BANK1: variants seen among roughly 807,000 people sequenced by gnomAD.
BANK1 encodes B-cell scaffold protein with ankyrin repeats.
BANK1 carries 95 observed loss-of-function variants against 94.5 expected under a neutral mutation model. The observed-to-expected ratio is 1.00, with a 90% CI of 0.85 to 1.19. The LOEUF (loss-of-function observed/expected upper bound fraction) is 1.19, where lower values mean the gene tolerates loss of function less well. Among genes scored for constraint, BANK1 ranks in the 50% most tolerant of loss-of-function variants. The pLI, the probability that BANK1 is intolerant of heterozygous loss-of-function variation, is 0.00. For missense variants in BANK1, 987 were observed against 932.2 expected (o/e 1.06, Z -0.77); for synonymous variants, 334 against 308.4 (o/e 1.08, Z -0.87).
At chr4:102,052,113 CTTTTTTTTT>C (rs199811166) in intron 11 of BANK1, among the ~76,000 whole-genome samples, 53 of 104,014 alleles carry the variant, frequency 5.1e-4, no homozygotes, top group Admixed American at 1.7e-3. Flanking sequence ...TTCTTTTTTT[CTTTTTTTTT>C]TTTTTTTTTT....
intron 9 of BANK1, among the ~76,000 whole-genome samples, chr4:102,025,984 G>A (rs1727081002): frequency 6.6e-6 from 1 of 152,176 alleles, no homozygotes; most frequent in African/African-American, 2.4e-5. Context: ...ATGAACTTGG[G>A]TACTTTAATC....
At chr4:101,878,679 C>T (rs1482142790) in intron 5 of BANK1, among the ~76,000 whole-genome samples, 1 of 152,096 alleles carries the variant, frequency 6.6e-6, no homozygotes, top group Non-Finnish European at 1.5e-5. Context: ...CATGACCATT[C>T]TCAAAAATAG....
At chr4:102,038,661 A>G (rs930356834) in intron 10 of BANK1, among the ~76,000 whole-genome samples, 1 of 152,194 alleles carries the variant, frequency 6.6e-6, no homozygotes, top group Non-Finnish European at 1.5e-5. Flanking sequence ...AGCAAGCTCC[A>G]CAAACCAATT....
At chr4:101,985,535 G>T (rs985508325) in intron 7 of BANK1, among the ~76,000 whole-genome samples, 1 of 151,760 alleles carries the variant, frequency 6.6e-6, no homozygotes, top group Non-Finnish European at 1.5e-5. Context: ...CATAATATTG[G>T]GTAAAGGGTG....
chr4:101,978,285 A>G, intron 7 of BANK1, among the ~76,000 whole-genome samples: 1 of 152,092 alleles, frequency 6.6e-6, no homozygotes, highest in East Asian at 1.9e-4. Flanking sequence ...AGATCATACA[A>G]CTCAACCTGA....
chr4:101,894,236 T>A (rs1362143756), intron 5 of BANK1, among the ~76,000 whole-genome samples: 2 of 152,022 alleles, frequency 1.3e-5, no homozygotes, highest in Non-Finnish European at 2.9e-5. Context: ...CCTTCTTTTT[T>A]AAAAAAATGT....
At chr4:102,056,959 C>T (rs1268540796) in intron 11 of BANK1, among the ~76,000 whole-genome samples, 1 of 152,084 alleles carries the variant, frequency 6.6e-6, no homozygotes, top group Non-Finnish European at 1.5e-5. Flanking sequence ...GAGCCGAGAT[C>T]ACGCCACTGC....
intron 7 of BANK1, among the ~76,000 whole-genome samples, chr4:101,940,961 C>T (rs1218097055): frequency 6.6e-6 from 1 of 151,720 alleles, no homozygotes; most frequent in Non-Finnish European, 1.5e-5. Context: ...TGCTCCACCT[C>T]CTTGAGGACA....
rs1560668327 is a variant in BANK1 at position 101,986,867 on chromosome 4, G to GTATATATA, written c.1207-34646_1207-34645insATATATAT. ...TGTGTATATATATGTATATATATAT[G>GTATATATA]TGTGTATGTGTGTGTGTGTGTGTGT... On this transcript the variant is annotated intron_variant, in intron 7 of 16. Coordinates refer to ENST00000322953, the MANE Select transcript of BANK1 (RefSeq NM_017935.5). 9.5e-4 allele frequency among the ~76,000 whole-genome samples: 60 copies of GTATATATA among 62,924 alleles called. 1 individual carries two copies. Among genetic ancestry groups the GTATATATA allele is most frequent in the African/African-American group, 4.9e-3 (50 of 10,276 alleles). 41.3% of individuals were successfully genotyped at this position (62,924 alleles called of 152,430 possible).
chr4:102,067,733 T>TTAA (rs1380463759), intron 13 of BANK1, among the ~76,000 whole-genome samples: 3 of 151,946 alleles, frequency 2.0e-5, no homozygotes, highest in African/African-American at 7.2e-5. Flanking sequence ...TTCTTAGTAA[T>TTAA]TAATAGAACA....
At chr4:101,986,950 A>G (rs1352725121) in intron 7 of BANK1, among the ~76,000 whole-genome samples, 2 of 124,410 alleles carry the variant, frequency 1.6e-5, no homozygotes, top group Non-Finnish European at 3.2e-5. Flanking sequence ...GCCAGTAAAT[A>G]TATTTTTTAA....
At chr4:101,831,948 C>T (rs1262663852) in intron 2 of BANK1, among the ~76,000 whole-genome samples, 1 of 152,218 alleles carries the variant, frequency 6.6e-6, no homozygotes. Flanking sequence ...GAAGCCTCCA[C>T]TAAGTGAAGA....
rs372197556 is a variant in BANK1, at chr4:102,056,998, C to CAAAACA, written c.1970-3197_1970-3192dup. Among the ~76,000 whole-genome samples the CAAAACA allele has an allele frequency of 7.1e-3, 1,079 of 151,910 alleles. 10 individuals carry two copies. Among genetic ancestry groups the CAAAACA allele is most frequent in the African/African-American group, 0.025 (1,026 of 41,416 alleles). The stretch of plus-strand genomic sequence containing the variant: ...CCAGCCAGGGAGATGGAGACTGCCT[C>CAAAACA]AAAACAAAAACAAAAACAAAATGAA... On this transcript the variant is annotated intron_variant, in intron 11 of 16. Transcript: ENST00000322953.
chr4:101,921,748 T>G lies in BANK1; in HGVS notation c.1206+3559T>G, dbSNP rs1723004952. Among the ~76,000 whole-genome samples the G allele has an allele frequency of 2.0e-5, 3 of 151,964 alleles. No homozygotes were observed. The South Asian group carries it at 6.2e-4, about 31-fold the overall frequency. ...AAATATCTTTTTCCTTCCACCACTGTGTTCACTTGTAGTTTGGTTTAAATA... is the reference window on the plus strand; with the variant it reads ...AAATATCTTTTTCCTTCCACCACTGGGTTCACTTGTAGTTTGGTTTAAATA... On this transcript the variant is annotated intron_variant, in intron 7 of 16. Coordinates refer to ENST00000322953, the MANE Select transcript of BANK1 (RefSeq NM_017935.5).
intron 15 of BANK1, among the ~76,000 whole-genome samples, chr4:102,073,239 A>G (rs1345509291): frequency 1.1e-4 from 8 of 75,756 alleles, no homozygotes; most frequent in South Asian, 6.7e-4. Flanking sequence ...GCATATATGT[A>G]TATATATATA....
intron 7 of BANK1, among the ~76,000 whole-genome samples, chr4:102,010,133 C>T (rs28658096): frequency 0.26 from 39,628 of 150,618 alleles, 5,596 homozygotes; most frequent in East Asian, 0.39. Flanking sequence ...GGTGTGGTGG[C>T]GGGCGCCTGT....
At chr4:101,982,871 C>CTA (rs913087037) in intron 7 of BANK1, among the ~76,000 whole-genome samples, 18 of 150,776 alleles carry the variant, frequency 1.2e-4, no homozygotes, top group African/African-American at 1.5e-4. Context: ...TATTCTAAGG[C>CTA]TATATATATA....
intron 5 of BANK1, among the ~76,000 whole-genome samples, chr4:101,871,191 T>C (rs11933157): frequency 0.35 from 52,430 of 151,942 alleles, 9,352 homozygotes; most frequent in African/African-American, 0.39. Flanking sequence ...CTTTGTGATG[T>C]TTATTGGGAA....
intron 7 of BANK1, chr4:101,972,623 A>T (rs565386759): frequency 1.3e-5 from 2 of 152,154 alleles, no homozygotes; most frequent in Non-Finnish European, 1.5e-5. Context: ...ACTCAATTAA[A>T]TGTTTAGCAG....
Sources: allele counts gnomAD v4.1 joint callset (sites outside exome capture counted in the v4.1 genomes callset), GRCh38; gene constraint gnomAD v4.1.1; transcripts MANE v1.5; gene names NCBI Gene and HGNC (gene_info 2026-07-23, HGNC 2026-07-21).